TRPM3: variants seen among roughly 807,000 people sequenced by gnomAD.
The protein encoded by TRPM3 is long transient receptor potential channel 3.
A neutral mutation model predicts 181.2 loss-of-function variants in TRPM3; 77 were observed. That is an observed-to-expected ratio of 0.42 (90% confidence interval 0.35 to 0.51). The LOEUF (loss-of-function observed/expected upper bound fraction) is 0.51. Among genes scored for constraint, TRPM3 ranks in the 20% least tolerant of loss-of-function variants. TRPM3 has a pLI of 0.01. For synonymous variants in TRPM3, 745 were observed against 796.4 expected (o/e 0.94, Z 1.09); for missense variants, 1,759 against 2,196.7 (o/e 0.80, Z 3.98).
At chr9:71,275,293 AT>A (rs2084111376) in intron 1 of TRPM3, among the ~76,000 whole-genome samples, 2 of 152,114 alleles carry the variant, frequency 1.3e-5, no homozygotes, top group Admixed American at 1.3e-4. Flanking sequence ...TTTAATTAAA[AT>A]TTTTTTCTAC....
At chr9:70,954,917 A>C (rs1282296997) in intron 1 of TRPM3, among the ~76,000 whole-genome samples, 1 of 152,078 alleles carries the variant, frequency 6.6e-6, no homozygotes, top group Non-Finnish European at 1.5e-5. Flanking sequence ...TTCAATCTCC[A>C]GCAGCAGCCA....
intron 1 of TRPM3, among the ~76,000 whole-genome samples, chr9:71,054,038 C>T (rs973991208): frequency 8.5e-5 from 13 of 152,106 alleles, no homozygotes; most frequent in African/African-American, 3.1e-4. Flanking sequence ...TAGATCCTGG[C>T]TTTGCCTTAT....
At chr9:71,267,086 G>A (rs1259199513) in intron 1 of TRPM3, among the ~76,000 whole-genome samples, 1 of 152,042 alleles carries the variant, frequency 6.6e-6, no homozygotes, top group African/African-American at 2.4e-5. Context: ...AGAGTCCCGA[G>A]AAGCTATTCT....
At chr9:71,242,222 T>G (rs1447341076) in intron 1 of TRPM3, among the ~76,000 whole-genome samples, 1 of 152,166 alleles carries the variant, frequency 6.6e-6, no homozygotes. Context: ...CGCAATTAAA[T>G]CAAAGTACCT....
At chr9:70,768,885 C>T (rs1230742959) in intron 7 of TRPM3, among the ~76,000 whole-genome samples, 1 of 152,100 alleles carries the variant, frequency 6.6e-6, no homozygotes, top group Non-Finnish European at 1.5e-5. Context: ...TAGTGTATGT[C>T]TTTTTAGGTC....
rs143089399 is a variant in TRPM3 at position 70,598,801 on chromosome 9, C to T, written c.2797-131G>A. 163 of 1,145,598 alleles carry T rather than the reference C, an allele frequency of 1.4e-4. No homozygotes were observed. The African/African-American group carries it at 2.2e-3, about 15-fold the overall frequency. The allele number at this position is 1,145,598 out of a possible 1,614,324, so 71.0% of individuals were successfully genotyped here. ...CTACCTATATCTACTTAAATACTTG[C>T]ATGCTGTAAAAGTCCGACTGAGCTA... On this transcript the variant is annotated intron_variant, in intron 20 of 25. Transcript: ENST00000677713.
intron 1 of TRPM3, among the ~76,000 whole-genome samples, chr9:71,295,408 G>T (rs559329326): frequency 1.3e-5 from 2 of 149,978 alleles, no homozygotes; most frequent in African/African-American, 2.5e-5. Flanking sequence ...TAAAAGATTT[G>T]TTTTAAATGA....
intron 1 of TRPM3, among the ~76,000 whole-genome samples, chr9:71,337,778 T>G (rs1050945919): frequency 1.3e-5 from 2 of 152,158 alleles, no homozygotes; most frequent in African/African-American, 2.4e-5. Flanking sequence ...TCATGTCCTT[T>G]GCAGGGATAT....
chr9:71,206,827 A>G (rs2079154653), intron 1 of TRPM3, among the ~76,000 whole-genome samples: 1 of 151,926 alleles, frequency 6.6e-6, no homozygotes, highest in South Asian at 2.1e-4. Flanking sequence ...TCCCAACACC[A>G]CTTATTAACT....
intron 5 of TRPM3, among the ~76,000 whole-genome samples, chr9:70,841,929 A>G (rs1331818245): frequency 6.6e-6 from 1 of 151,814 alleles, no homozygotes; most frequent in African/African-American, 2.4e-5. Context: ...GGACACTACA[A>G]AAGTGGGAGG....
chr9:71,131,138 A>G (rs1284714363), intron 1 of TRPM3, among the ~76,000 whole-genome samples: 1 of 152,168 alleles, frequency 6.6e-6, no homozygotes, highest in Non-Finnish European at 1.5e-5. Context: ...AACTCTTGAC[A>G]TTTCCAATTC....
At chr9:71,227,506 A>T (rs781315222) in intron 1 of TRPM3, among the ~76,000 whole-genome samples, 2 of 152,082 alleles carry the variant, frequency 1.3e-5, no homozygotes, top group Non-Finnish European at 2.9e-5. Context: ...GCCGAAATAA[A>T]TGACATTGAA....
At chr9:71,420,729 G>GAAAGAGAAAGAGAGAA (rs1565557051) in intron 1 of TRPM3, among the ~76,000 whole-genome samples, 1 of 49,020 alleles carries the variant, frequency 2.0e-5, no homozygotes, top group African/African-American at 7.4e-5. Context: ...GAAAGAGAGA[G>GAAAGAGAAAGAGAGAA]AGAGAGAAAG....
intron 1 of TRPM3, among the ~76,000 whole-genome samples, chr9:71,427,819 C>CT (rs1192024725): frequency 6.6e-6 from 1 of 152,162 alleles, no homozygotes; most frequent in African/African-American, 2.4e-5. Flanking sequence ...GCTCACTTCA[C>CT]TATCTGGATG....
intron 1 of TRPM3, among the ~76,000 whole-genome samples, chr9:70,967,008 T>C (rs2097191854): frequency 7.1e-6 from 1 of 140,042 alleles, no homozygotes; most frequent in Admixed American, 7.4e-5. Context: ...TAGAATTGGG[T>C]AACAAAGCAA....
chr9:71,027,396 G>A (rs531873551), intron 1 of TRPM3, among the ~76,000 whole-genome samples: 1 of 152,222 alleles, frequency 6.6e-6, no homozygotes, highest in South Asian at 2.1e-4. Context: ...AACTTAAAAA[G>A]CCAGAGGGTC....
chr9:71,402,115 A>T (rs968622563), intron 1 of TRPM3, among the ~76,000 whole-genome samples: 3 of 152,228 alleles, frequency 2.0e-5, no homozygotes, highest in Admixed American at 1.3e-4. Context: ...TACTCATCGC[A>T]AATTAGAAGC....
chr9:70,779,546 A>T (rs891230888), intron 7 of TRPM3, among the ~76,000 whole-genome samples: 1 of 152,136 alleles, frequency 6.6e-6, no homozygotes, highest in Non-Finnish European at 1.5e-5. Flanking sequence ...GCAGTCTGAC[A>T]CTTCGGTTGA....
chr9:71,081,194 T>C (rs896737775), intron 1 of TRPM3, among the ~76,000 whole-genome samples: 4 of 152,206 alleles, frequency 2.6e-5, no homozygotes, highest in African/African-American at 9.7e-5. Context: ...GCAATGGCTA[T>C]AATATGTCAA....
Sources: allele counts gnomAD v4.1 joint callset (sites outside exome capture counted in the v4.1 genomes callset), GRCh38; gene constraint gnomAD v4.1.1; transcripts MANE v1.5; gene names NCBI Gene and HGNC (gene_info 2026-07-23, HGNC 2026-07-21).